Variants in FAAH2 observed in about 807,000 individuals in gnomAD.
FAAH2 encodes the protein fatty-acid amide hydrolase 2.
Under a neutral mutation model 36.9 loss-of-function variants are expected in FAAH2, and 60 were observed. The observed-to-expected ratio is 1.63, with a 90% confidence interval of 1.32 to 2.02. The LOEUF (loss-of-function observed/expected upper bound fraction) is 2.02, where lower values mean the gene tolerates loss of function less well. Among genes scored for constraint, FAAH2 ranks in the 30% most tolerant of loss-of-function variants. The pLI is 0.00. For missense variants in FAAH2, 689 were observed against 397.5 expected, an observed-to-expected ratio of 1.73 and a Z score of -6.23; for synonymous variants, 214 against 143.8, an observed-to-expected ratio of 1.49 and a Z score of -3.49.
intron 2 of FAAH2, among the ~76,000 whole-genome samples, chrX:57,301,291 G>T (rs1258072625): frequency 1.8e-5 from 2 of 110,846 alleles, no homozygotes; most frequent in African/African-American, 6.6e-5. Context: ...CATAAAAAAG[G>T]ATGACTTCAT....
intron 5 of FAAH2, among the ~76,000 whole-genome samples, chrX:57,362,708 C>G (rs2054315090): frequency 9.0e-6 from 1 of 111,729 alleles, no homozygotes. Flanking sequence ...TCTAGATTTT[C>G]TTCTATGATG....
At chrX:57,477,753 C>A (rs1351525354) in intron 10 of FAAH2, among the ~76,000 whole-genome samples, 1 of 109,009 alleles carries the variant, frequency 9.2e-6, no homozygotes, top group African/African-American at 3.3e-5. Flanking sequence ...GGTTTTCTGT[C>A]CTTCCAATAG....
At chrX:57,377,248 C>G (rs1171699508) in intron 5 of FAAH2, among the ~76,000 whole-genome samples, 1 of 111,865 alleles carries the variant, frequency 8.9e-6, no homozygotes, top group Non-Finnish European at 1.9e-5. Flanking sequence ...TGGTATTGCC[C>G]AGGTTTTCTT....
chrX:57,470,571 C>A (rs2057145562), intron 10 of FAAH2, among the ~76,000 whole-genome samples: 1 of 111,066 alleles, frequency 9.0e-6, no homozygotes, highest in Non-Finnish European at 1.9e-5. Flanking sequence ...CCTGAATAGA[C>A]CAAAAACAGG....
At chrX:57,199,818 A>C in the FAAH2 span, among the ~76,000 whole-genome samples, 1 of 112,009 alleles carries the variant, frequency 8.9e-6, no homozygotes, top group African/African-American at 3.2e-5. Flanking sequence ...AATTAACCCT[A>C]ACCTCTTTAC....
intron 3 of FAAH2, among the ~76,000 whole-genome samples, chrX:57,312,845 CA>C (rs779889627): frequency 5.4e-5 from 6 of 111,499 alleles, no homozygotes; most frequent in Middle Eastern, 4.7e-3. Flanking sequence ...TTATTGACCT[CA>C]AAACAAGTCC....
intron 3 of FAAH2, among the ~76,000 whole-genome samples, chrX:57,329,694 A>G: frequency 9.1e-6 from 1 of 110,184 alleles, no homozygotes; most frequent in Non-Finnish European, 1.9e-5. Context: ...GGGCGAGTGC[A>G]TGTAGGCAAA....
chrX:57,285,221 T>C (rs573703334), upstream of FAAH2, among the ~76,000 whole-genome samples: 29 of 111,936 alleles, frequency 2.6e-4, no homozygotes, highest in South Asian at 7.5e-3. Context: ...GATGACACTT[T>C]CAGTATCAAC....
the FAAH2 span, among the ~76,000 whole-genome samples, chrX:57,124,144 G>A: frequency 0.13 from 13,884 of 110,210 alleles, 1,953 homozygotes; most frequent in African/African-American, 0.4. Context: ...TAGGTCTAAC[G>A]TTTAAGTCTT....
the FAAH2 span, among the ~76,000 whole-genome samples, chrX:57,151,631 C>G: frequency 9.0e-6 from 1 of 111,634 alleles, no homozygotes; most frequent in Admixed American, 9.5e-5. Flanking sequence ...AAGGACTTCT[C>G]TGCATTGGTG....
chrX:57,336,672 G>T (rs2053559868), intron 4 of FAAH2, among the ~76,000 whole-genome samples: 1 of 111,804 alleles, frequency 8.9e-6, no homozygotes, highest in Non-Finnish European at 1.9e-5. Context: ...AATTAACAAA[G>T]AAATCAAGAA....
the FAAH2 span, among the ~76,000 whole-genome samples, chrX:57,256,499 C>A: frequency 9.0e-6 from 1 of 111,498 alleles, no homozygotes; most frequent in Non-Finnish European, 1.9e-5. Context: ...GTTGAAGGCA[C>A]CACGCTACCT....
chrX:57,459,445 G>A lies in FAAH2; in HGVS notation c.1423+10727G>A, dbSNP rs140391152. ...TTTCTGCCTGATGGCTCTGAGGAGA[G>A]CAGCAGATCCTGACAAGGGGGTTTC... On this transcript the variant is annotated intron_variant, in intron 10 of 10. Transcript: ENST00000374900. 8.4e-3 allele frequency among the ~76,000 whole-genome samples: 943 copies of A among 112,467 alleles called. 11 individuals carry two copies. Among genetic ancestry groups the A allele is most frequent in the African/African-American group, 0.029 (898 of 30,993 alleles).
At chrX:57,223,457 C>T in the FAAH2 span, among the ~76,000 whole-genome samples, 2 of 111,822 alleles carry the variant, frequency 1.8e-5, no homozygotes, top group African/African-American at 6.5e-5. Flanking sequence ...CTCCACAACC[C>T]TTTCCATATC....
chrX:57,445,753 G>A (rs1217249798), intron 8 of FAAH2, among the ~76,000 whole-genome samples: 1 of 112,487 alleles, frequency 8.9e-6, no homozygotes, highest in Non-Finnish European at 1.9e-5. Flanking sequence ...AGCCACAGAA[G>A]TCTCTTCACC....
intron 5 of FAAH2, among the ~76,000 whole-genome samples, chrX:57,354,368 G>A (rs2054107908): frequency 9.0e-6 from 1 of 110,767 alleles, no homozygotes; most frequent in Non-Finnish European, 1.9e-5. Flanking sequence ...ATAAGTGGGT[G>A]CTAAAAACGT....
At chrX:57,177,548 C>CT in the FAAH2 span, among the ~76,000 whole-genome samples, 2 of 72,161 alleles carry the variant, frequency 2.8e-5, no homozygotes, top group Non-Finnish European at 5.2e-5. Context: ...CAAATCTTTT[C>CT]TTTTTTATTA....
At chrX:57,261,567 A>AG in the FAAH2 span, among the ~76,000 whole-genome samples, 9 of 107,759 alleles carry the variant, frequency 8.4e-5, no homozygotes, top group Non-Finnish European at 1.3e-4. Flanking sequence ...AAAAAAAAAA[A>AG]AAAAAAAAGA....
chrX:57,454,676 GC>G (rs1163436139), intron 10 of FAAH2, among the ~76,000 whole-genome samples: 8 of 111,998 alleles, frequency 7.1e-5, no homozygotes, highest in African/African-American at 2.6e-4. Context: ...AGCATCAGCA[GC>G]AGAAAAATTA....
Sources: allele counts gnomAD v4.1 joint callset (sites outside exome capture counted in the v4.1 genomes callset), GRCh38; gene constraint gnomAD v4.1.1; transcripts MANE v1.5; gene names NCBI Gene and HGNC (gene_info 2026-07-23, HGNC 2026-07-21).